Variants in ACOT11 observed in about 807,000 individuals in gnomAD.
The protein encoded by ACOT11 is acyl-coenzyme A thioesterase 11.
ACOT11 carries 69 observed loss-of-function variants against 77.5 expected under a neutral mutation model. That is an observed-to-expected ratio of 0.89 (90% CI 0.73 to 1.09). The LOEUF is 1.09. ACOT11 is among the 50% of genes least tolerant of loss of function. The pLI, the probability that ACOT11 is intolerant of heterozygous loss-of-function variation, is 0.00. For synonymous variants in ACOT11, 279 were observed against 313.0 expected, an observed-to-expected ratio of 0.89 and a Z score of 1.15; for missense variants, 766 against 813.7, an observed-to-expected ratio of 0.94 and a Z score of 0.71.
rs549808158 is a variant in ACOT11, at chr1:54,563,129, G to T, written c.33+14787G>T. On this transcript the variant is annotated intron_variant, in intron 1 of 15. Transcript: ENST00000343744. Reference sequence around the variant, plus strand: ...CGCTGCCTCCCGGGCGGCGCTCGCTGGCGCGGCGGCAAAGACTCTGATTTT... The same window carrying T: ...CGCTGCCTCCCGGGCGGCGCTCGCTTGCGCGGCGGCAAAGACTCTGATTTT... Among the ~76,000 whole-genome samples the T allele has an allele frequency of 3.8e-3, 579 of 152,312 alleles. 2 individuals are homozygous for T. The highest frequency in any genetic ancestry group is 0.013 in the African/African-American group (534 of 41,576).
chr1:54,552,025 C>G (rs1015910540), intron 1 of ACOT11, among the ~76,000 whole-genome samples: 1 of 152,166 alleles, frequency 6.6e-6, no homozygotes, highest in Non-Finnish European at 1.5e-5. Flanking sequence ...GGGTCTAACC[C>G]AGAGTGTGGG....
At chr1:54,586,927 C>T (rs1654521665) in intron 3 of ACOT11, among the ~76,000 whole-genome samples, 1 of 152,164 alleles carries the variant, frequency 6.6e-6, no homozygotes, top group Non-Finnish European at 1.5e-5. Flanking sequence ...ATCCTAAACT[C>T]ACCAGCACTA....
At chr1:54,548,790 G>C (rs1426499756) in intron 1 of ACOT11, among the ~76,000 whole-genome samples, 11 of 152,154 alleles carry the variant, frequency 7.2e-5, no homozygotes. Context: ...GTGGGGTGAG[G>C]TCGGCGTTCT....
At chr1:54,576,489 T>G (rs1357733122) in intron 1 of ACOT11, among the ~76,000 whole-genome samples, 1 of 77,606 alleles carries the variant, frequency 1.3e-5, no homozygotes, top group Non-Finnish European at 2.3e-5. Flanking sequence ...CAGAGCAAGA[T>G]CTAAAAAAAA....
At chr1:54,597,846 T>G (rs576097907) in intron 7 of ACOT11, 40 of 176,974 alleles carry the variant, frequency 2.3e-4, no homozygotes, top group Middle Eastern at 2.9e-3. Context: ...GCTAATATCC[T>G]GCCCACTTCC....
chr1:54,573,743 A>G (rs554395405), intron 1 of ACOT11, among the ~76,000 whole-genome samples: 4 of 151,630 alleles, frequency 2.6e-5, no homozygotes, highest in African/African-American at 9.7e-5. Flanking sequence ...AAGAAATAAA[A>G]AAATGTGGCT....
chr1:54,611,835 C>G (rs1279788985), downstream of ACOT11: 5 of 1,515,736 alleles, frequency 3.3e-6, no homozygotes, highest in Non-Finnish European at 4.5e-6. Context: ...GTCAGCTGGG[C>G]GCAGGGTAGA....
intron 15 of ACOT11, among the ~76,000 whole-genome samples, chr1:54,625,866 G>A (rs1644268645): frequency 6.6e-6 from 1 of 150,904 alleles, no homozygotes; most frequent in South Asian, 2.1e-4. Context: ...TTGAATCTGG[G>A]AGGCGGAGGT....
At chr1:54,564,307 G>A (rs932993727) in intron 1 of ACOT11, among the ~76,000 whole-genome samples, 1 of 152,326 alleles carries the variant, frequency 6.6e-6, no homozygotes, top group South Asian at 2.1e-4. Context: ...GCTTTACGTC[G>A]TCTGTTATTC....
intron 1 of ACOT11, among the ~76,000 whole-genome samples, chr1:54,576,991 G>C (rs1275319632): frequency 6.6e-6 from 1 of 152,154 alleles, no homozygotes; most frequent in Non-Finnish European, 1.5e-5. Flanking sequence ...ATGTGCCAGA[G>C]ATCAGGCTAT....
At chr1:54,588,878 G>A (rs1569722317) in intron 3 of ACOT11, among the ~76,000 whole-genome samples, 1 of 152,282 alleles carries the variant, frequency 6.6e-6, no homozygotes. Flanking sequence ...GACAAGCTGG[G>A]GAGGGGCCTG....
rs547656283 is a variant in ACOT11 at position 54,554,614 on chromosome 1, T to C, written c.33+6272T>C. Among the ~76,000 whole-genome samples, 15 of 151,928 alleles carry C rather than the reference T, an allele frequency of 9.9e-5. No homozygotes were observed. The East Asian group carries it at 1.9e-3, about 20-fold the overall frequency. ...TCAAACTATCCTCTCCCCTTGGCTGTTGGGATTGCAGGTTTGAGCCACCAC... is the reference window on the plus strand; with the variant it reads ...TCAAACTATCCTCTCCCCTTGGCTGCTGGGATTGCAGGTTTGAGCCACCAC... On this transcript the variant is annotated intron_variant, in intron 1 of 15. Coordinates refer to ENST00000343744, the MANE Select transcript of ACOT11 (RefSeq NM_147161.4).
intron 1 of ACOT11, among the ~76,000 whole-genome samples, chr1:54,549,568 CCTT>C (rs1557642042): frequency 1.3e-5 from 2 of 152,236 alleles, no homozygotes; most frequent in African/African-American, 4.8e-5. Context: ...CTCTGGAAGT[CCTT>C]CTCAGATTTC....
At chr1:54,611,500 C>T (rs1333733930), downstream of ACOT11, 1 of 1,211,456 alleles carries the variant, frequency 8.3e-7, no homozygotes, top group East Asian at 2.4e-5. Context: ...CCACCCCGGC[C>T]TTCCCCCTTC....
chr1:54,592,471 T>A, intron 3 of ACOT11, 75 bp from the exon 4 acceptor site: 3 of 1,404,350 alleles, frequency 2.1e-6, no homozygotes, highest in Non-Finnish European at 3.0e-6. Context: ...CAAGAGAGGC[T>A]CTGCAAGTAT....
exon 17 of ACOT11, chr1:54,636,187 A>T (rs1644329513): frequency 6.6e-6 from 1 of 152,244 alleles, no homozygotes. Context: ...AGACTTGGAA[A>T]AGAGACACAG....
intron 1 of ACOT11, among the ~76,000 whole-genome samples, chr1:54,578,595 T>C (rs1415911963): frequency 6.6e-6 from 1 of 152,228 alleles, no homozygotes; most frequent in Non-Finnish European, 1.5e-5. Flanking sequence ...CTCCACATTC[T>C]GGGATGCTTA....
At chr1:54,583,567 G>A (rs1192233334) in intron 1 of ACOT11, among the ~76,000 whole-genome samples, 1 of 151,108 alleles carries the variant, frequency 6.6e-6, no homozygotes, top group African/African-American at 2.4e-5. Context: ...GTGTAGTGTC[G>A]GGGGTAGGAG....
At chr1:54,599,463 T>A in intron 8 of ACOT11, 48 bp downstream of exon 8, 1 of 1,508,386 alleles carries the variant, frequency 6.6e-7, no homozygotes, top group Non-Finnish European at 9.0e-7. Flanking sequence ...GGCTGAGGGC[T>A]CTTCCTGACC....
Sources: allele counts gnomAD v4.1 joint callset (sites outside exome capture counted in the v4.1 genomes callset), GRCh38; gene constraint gnomAD v4.1.1; transcripts MANE v1.5; gene names NCBI Gene and HGNC (gene_info 2026-07-23, HGNC 2026-07-21).